The following DTWD2 variants were observed in gnomAD, a reference collection of about 807,000 sequenced individuals.
The protein encoded by DTWD2 is DTW motif tRNA-uridine aminocarboxypropyltransferase 2.
Under a neutral mutation model 31.8 loss-of-function variants are expected in DTWD2, and 39 were observed. The ratio of observed to expected loss-of-function variants is 1.22; its 90% CI spans 0.95 to 1.60. The LOEUF is 1.60. Ranked by LOEUF, DTWD2 falls within the 40% of genes most tolerant of loss-of-function variation. DTWD2 has a pLI of 0.00. For missense variants in DTWD2, 515 were observed against 381.5 expected, an observed-to-expected ratio of 1.35 and a Z score of -2.92; for synonymous variants, 180 against 142.8, an observed-to-expected ratio of 1.26 and a Z score of -1.86.
intron 4 of DTWD2, among the ~76,000 whole-genome samples, chr5:118,874,856 C>A (rs113792271): frequency 1.3e-4 from 20 of 152,104 alleles, no homozygotes; most frequent in African/African-American, 4.8e-4. Context: ...TCCAGAAATG[C>A]AGAGAGCCCC....
chr5:118,909,639 C>T (rs1042252479), intron 4 of DTWD2, among the ~76,000 whole-genome samples: 3 of 152,170 alleles, frequency 2.0e-5, no homozygotes, highest in Admixed American at 6.5e-5. Context: ...ACCCTGCAAG[C>T]GCACACATGC....
chr5:118,964,280 A>G (rs532475242), intron 1 of DTWD2, among the ~76,000 whole-genome samples: 3 of 152,092 alleles, frequency 2.0e-5, no homozygotes, highest in Non-Finnish European at 4.4e-5. Flanking sequence ...CATTAATGAG[A>G]TATGACTTCA....
intron 4 of DTWD2, among the ~76,000 whole-genome samples, chr5:118,926,614 A>G (rs1238146019): frequency 6.6e-6 from 1 of 152,260 alleles, no homozygotes; most frequent in Non-Finnish European, 1.5e-5. Context: ...GTTACTGATA[A>G]AAGAACACTT....
intron 4 of DTWD2, among the ~76,000 whole-genome samples, chr5:118,923,348 G>A (rs906369584): frequency 1.3e-5 from 2 of 152,168 alleles, no homozygotes; most frequent in Non-Finnish European, 1.5e-5. Context: ...ACATTAAAGT[G>A]TTAGTTGAAT....
chr5:118,887,643 G>A (rs1225057443), intron 4 of DTWD2, among the ~76,000 whole-genome samples: 1 of 152,160 alleles, frequency 6.6e-6, no homozygotes, highest in African/African-American at 2.4e-5. Flanking sequence ...GTTTAAGACA[G>A]GGACTCGCTG....
chr5:118,949,915 A>C lies in DTWD2; in HGVS notation c.219-5266T>G, dbSNP rs184934184. Among the ~76,000 whole-genome samples, 728 of 152,268 alleles carry C rather than the reference A, an allele frequency of 4.8e-3. 9 individuals carry two copies. Among genetic ancestry groups the C allele is most frequent in the African/African-American group, 0.017 (694 of 41,536 alleles). On this transcript the variant is annotated intron_variant, in intron 1 of 5. Coordinates refer to ENST00000510708, the MANE Select transcript of DTWD2 (RefSeq NM_173666.4). ...ATAACTAAAAAGGAGTGCACAAAAG[A>C]ATATTGTCTAAGCGGCCGGGCGCGA...
At chr5:118,932,178 C>A (rs956097060) in intron 3 of DTWD2, among the ~76,000 whole-genome samples, 1 of 151,700 alleles carries the variant, frequency 6.6e-6, no homozygotes, top group Non-Finnish European at 1.5e-5. Flanking sequence ...ACAACAACAA[C>A]AAAAACAACA....
At position 118,880,585 on chromosome 5, in the gene DTWD2, C is replaced by T. The variant is rs146803888; in HGVS notation, c.598-32367G>A. On this transcript the variant is annotated intron_variant, in intron 4 of 5. Coordinates refer to ENST00000510708, the MANE Select transcript of DTWD2 (RefSeq NM_173666.4). The stretch of plus-strand genomic sequence containing the variant: ...GCTATGGCATCTCTACAAACACATA[C>T]CACTGGAAAATATATACTAAAATGC... 3.0e-4 allele frequency among the ~76,000 whole-genome samples: 46 copies of T among 152,194 alleles called. 1 individual carries two copies. In the East Asian group the frequency reaches 8.7e-3, roughly 29 times the overall value.
chr5:118,916,714 A>C (rs1753586804), intron 4 of DTWD2, among the ~76,000 whole-genome samples: 1 of 152,088 alleles, frequency 6.6e-6, no homozygotes, highest in Admixed American at 6.5e-5. Context: ...AATAAAACAG[A>C]AACATAATAG....
At chr5:118,842,652 C>T (rs1339874108) in intron 5 of DTWD2, among the ~76,000 whole-genome samples, 1 of 151,940 alleles carries the variant, frequency 6.6e-6, no homozygotes, top group East Asian at 1.9e-4. Flanking sequence ...TAATTCCTTA[C>T]TGTAATATAC....
intron 1 of DTWD2, among the ~76,000 whole-genome samples, chr5:118,951,372 G>T (rs1288809518): frequency 6.6e-6 from 1 of 152,136 alleles, no homozygotes; most frequent in Non-Finnish European, 1.5e-5. Context: ...AGCTTGGGGT[G>T]GAGACTGAAG....
At chr5:118,962,894 C>G (rs1754738258) in intron 1 of DTWD2, among the ~76,000 whole-genome samples, 1 of 152,174 alleles carries the variant, frequency 6.6e-6, no homozygotes, top group Non-Finnish European at 1.5e-5. Flanking sequence ...AAATGCATGC[C>G]TTTAATCAAC....
intron 1 of DTWD2, among the ~76,000 whole-genome samples, chr5:118,954,246 G>C (rs1014020112): frequency 6.6e-6 from 1 of 152,134 alleles, no homozygotes; most frequent in African/African-American, 2.4e-5. Context: ...ACTCCAGCCT[G>C]GGCAACAGAG....
At chr5:118,944,521 A>C in intron 2 of DTWD2, 38 bp downstream of exon 2, 1 of 1,580,828 alleles carries the variant, frequency 6.3e-7, no homozygotes, top group Non-Finnish European at 8.7e-7. Context: ...TTGTGGACTC[A>C]TATTCTATTT....
intron 4 of DTWD2, among the ~76,000 whole-genome samples, chr5:118,882,780 G>A (rs1752771401): frequency 6.6e-6 from 1 of 152,246 alleles, no homozygotes; most frequent in Admixed American, 6.5e-5. Context: ...AAGCCCTGAG[G>A]CTGCACAGAG....
At chr5:118,986,232 G>C (rs763853442) in intron 1 of DTWD2, among the ~76,000 whole-genome samples, 1 of 152,084 alleles carries the variant, frequency 6.6e-6, no homozygotes, top group Admixed American at 6.5e-5. Flanking sequence ...ATGGGGGATA[G>C]GAAAGGTATT....
At chr5:118,964,918 G>A (rs1477140196) in intron 1 of DTWD2, among the ~76,000 whole-genome samples, 4 of 152,060 alleles carry the variant, frequency 2.6e-5, no homozygotes, top group African/African-American at 4.8e-5. Flanking sequence ...GGGATGTGAG[G>A]AGCCCCTCTG....
At chr5:118,940,907 C>T (rs1023606000) in intron 2 of DTWD2, among the ~76,000 whole-genome samples, 7 of 152,206 alleles carry the variant, frequency 4.6e-5, no homozygotes, top group African/African-American at 1.4e-4. Context: ...CGACTAAATA[C>T]ACATTGTTCA....
At chr5:118,909,119 G>A (rs895898413) in intron 4 of DTWD2, among the ~76,000 whole-genome samples, 1 of 152,222 alleles carries the variant, frequency 6.6e-6, no homozygotes, top group Non-Finnish European at 1.5e-5. Context: ...TTCTGCTGCA[G>A]TTATACTCCA....
Sources: allele counts gnomAD v4.1 joint callset (sites outside exome capture counted in the v4.1 genomes callset), GRCh38; gene constraint gnomAD v4.1.1; transcripts MANE v1.5; gene names NCBI Gene and HGNC (gene_info 2026-07-23, HGNC 2026-07-21).